HMCN2: variants seen among roughly 807,000 people sequenced by gnomAD.
The protein encoded by HMCN2 is hemicentin-2.
In HMCN2, 325 loss-of-function variants were observed where a neutral mutation model predicts 377.5. The ratio of observed to expected loss-of-function variants is 0.86; its 90% CI spans 0.79 to 0.94. The LOEUF is 0.94. Among genes scored for constraint, HMCN2 ranks in the 40% least tolerant of loss-of-function variants. The pLI, the probability that HMCN2 is intolerant of heterozygous loss-of-function variation, is 0.00. For synonymous variants in HMCN2, 2,007 were observed against 2,046.8 expected (o/e 0.98, Z 0.53); for missense variants, 4,543 against 4,725.3 (o/e 0.96, Z 1.13).
intron 94 of HMCN2, chr9:130,429,893 CTG>C: frequency 1.0e-6 from 1 of 967,304 alleles, no homozygotes; most frequent in Non-Finnish European, 1.5e-6. Flanking sequence ...CACTGGGTGC[CTG>C]CCTGTGCACC....
Position 130,269,707 on chromosome 9 carries a change from T to C in HMCN2, c.259+3570T>C, listed in dbSNP as rs1260440895. 2.7e-5 allele frequency among the ~76,000 whole-genome samples: 4 copies of C among 149,120 alleles called. 1 individual carries two copies. In the South Asian group the frequency reaches 8.6e-4, roughly 32 times the overall value. Reference sequence around the variant, plus strand: ...TATGAATTTCTTATTTTGTAAACTGTCAGTTTCTTTGCAAATTTTTTCATG... The same window carrying C: ...TATGAATTTCTTATTTTGTAAACTGCCAGTTTCTTTGCAAATTTTTTCATG... On this transcript the variant is annotated intron_variant, in intron 1 of 97. Coordinates refer to ENST00000683500, the MANE Select transcript of HMCN2 (RefSeq NM_001291815.2).
intron 2 of HMCN2, 65 bp from the exon 3 acceptor site, chr9:130,285,093 T>C (rs1398021547): frequency 2.2e-6 from 1 of 452,426 alleles, no homozygotes; most frequent in Non-Finnish European, 4.6e-6. Flanking sequence ...GTTTTGGAGA[T>C]GTCCCTGGGT....
rs1321183999 is a variant in HMCN2, at chr9:130,358,407, G to T, written c.5598G>T (p.Leu1866=). 7.7e-7 allele frequency: 1 copy of T among 1,304,354 alleles called. No homozygotes were observed. The highest frequency in any genetic ancestry group is 5.5e-5 in the East Asian group (1 of 18,024). The allele number at this position is 1,304,354 out of a possible 1,614,324, so 80.8% of individuals were successfully genotyped here. Reference sequence around the variant, plus strand: ...CCCTCCAGATTGAGAAGGTGGACCTGAGGGACGAGGGCATCTACACTTGTG... The same window carrying T: ...CCCTCCAGATTGAGAAGGTGGACCTTAGGGACGAGGGCATCTACACTTGTG... ...GGNLQIEKVD[L]RDEGIYTCAA... Residue 1866 remains leucine (L), a synonymous_variant, in exon 36 of 98, where the codon CTG becomes CTT. Coordinates refer to ENST00000683500, the MANE Select transcript of HMCN2 (RefSeq NM_001291815.2).
At chr9:130,429,093 T>C (rs567249515) in intron 93 of HMCN2, 59 of 190,366 alleles carry the variant, frequency 3.1e-4, no homozygotes, top group Admixed American at 4.9e-4. Context: ...CCAGGGCCCT[T>C]GGAGTGCCCG....
At position 130,424,851 on chromosome 9, in the gene HMCN2, T is replaced by C; in HGVS notation, c.13457T>C (p.Leu4486Pro). The change falls in exon 88 of 98, where the codon CTG becomes CCG. Residue 4486 changes from leucine to proline, a missense_variant. Leu to Pro is a moderately conservative substitution (Grantham distance 98). Around this residue, in one of 5 missense-constraint regions of HMCN2, gnomAD observed 1,155 missense variants for 1,157.7 expected, o/e 1.00. Transcript: ENST00000683500. ...WALARESGEA[L>P]NGHSLTGGRF... ...CTGGCCAGAGAGAGTGGGGAAGCCC[T>C]GAATGGCCACTCTCTGACTGGGGGC... The C allele has an allele frequency of 6.7e-7, 1 of 1,490,118 alleles. No homozygotes were observed. The highest frequency in any genetic ancestry group is 9.0e-7 in the Non-Finnish European group (1 of 1,114,598). 92.3% of individuals were successfully genotyped at this position (1,490,118 alleles called of 1,614,324 possible). A position where few individuals can be genotyped will look rare whatever the true frequency, so the allele number is the denominator to read the frequency against.
chr9:130,301,739 C>T (rs782213601), intron 8 of HMCN2, among the ~76,000 whole-genome samples: 9 of 152,262 alleles, frequency 5.9e-5, no homozygotes, highest in Admixed American at 2.0e-4. Context: ...TGCATTGTCT[C>T]ATTCCCGGAG....
At chr9:130,410,705 C>CG (rs1843364187) in intron 85 of HMCN2, 53 bp downstream of exon 85, 1 of 1,486,390 alleles carries the variant, frequency 6.7e-7, no homozygotes, top group Non-Finnish European at 9.2e-7. Flanking sequence ...TCGGGGACAG[C>CG]GGTGGCGTGT....
Position 130,355,869 on chromosome 9 carries a change from G to A in HMCN2, c.5255+15G>A. The A allele has an allele frequency of 1.6e-6, 2 of 1,274,376 alleles. No homozygotes were observed. Among genetic ancestry groups the A allele is most frequent in the Non-Finnish European group, 2.1e-6 (2 of 962,550 alleles). The allele number at this position is 1,274,376 out of a possible 1,614,324, so 78.9% of individuals were successfully genotyped here. ...CCCACTATCCAGTGAGTCTGGGGTG[G>A]TGGAGGCCAGGGCTGGGGGTAGGCA... On this transcript the variant is annotated intron_variant, in intron 33 of 97. Coordinates refer to ENST00000683500, the MANE Select transcript of HMCN2 (RefSeq NM_001291815.2).
chr9:130,371,637 T>C (rs1448330466), intron 46 of HMCN2, among the ~76,000 whole-genome samples: 1 of 152,230 alleles, frequency 6.6e-6, no homozygotes, highest in Non-Finnish European at 1.5e-5. Context: ...TATGCCTCAG[T>C]CACCCATTGG....
Position 130,364,873 on chromosome 9 carries a change from A to G in HMCN2, c.6392A>G (p.Asp2131Gly). 2 of 985,930 alleles carry G rather than the reference A, an allele frequency of 2.0e-6. No homozygotes were observed. The allele number at this position is 985,930 out of a possible 1,614,324, so 61.1% of individuals were successfully genotyped here. A position where few individuals can be genotyped will look rare whatever the true frequency, so the allele number is the denominator to read the frequency against. Residue 2131 changes from aspartate to glycine, a missense_variant, in exon 41 of 98, where the codon GAC becomes GGC. By Grantham distance (94) the Asp-to-Gly change is moderately conservative. Coordinates refer to ENST00000683500, the MANE Select transcript of HMCN2 (RefSeq NM_001291815.2). ...EPRPGVHLSA[D>G]KALLQVDRAD... is the part of the protein sequence containing the mutation. Reference sequence around the variant, plus strand: ...CGGCCTGGAGTCCACCTCTCCGCAGACAAAGCCTTGCTGCAGGTGTGCAGG... The same window carrying G: ...CGGCCTGGAGTCCACCTCTCCGCAGGCAAAGCCTTGCTGCAGGTGTGCAGG...
At position 130,409,881 on chromosome 9, in the gene HMCN2, A is replaced by G. The variant is rs554154918; in HGVS notation, c.12880-690A>G. On this transcript the variant is annotated intron_variant, in intron 84 of 97. Transcript: ENST00000683500. ...CCTTGGGTGTGGCCCCCCAGATACC[A>G]TCTTCTGGGAGTGGACGTGGCCTCA... Among the ~76,000 whole-genome samples, 11 of 152,100 alleles carry G rather than the reference A, an allele frequency of 7.2e-5. No homozygotes were observed. In the East Asian group the frequency reaches 2.1e-3, roughly 30 times the overall value.
chr9:130,402,739 A>G (rs750094255), intron 77 of HMCN2, 50 bp from the exon 78 acceptor site: 2 of 1,181,684 alleles, frequency 1.7e-6, no homozygotes, highest in Non-Finnish European at 2.2e-6. Flanking sequence ...TGCCACCTCC[A>G]TCCCTGGGGA....
chr9:130,328,653 G>A (rs1428096589), intron 22 of HMCN2, among the ~76,000 whole-genome samples: 1 of 152,150 alleles, frequency 6.6e-6, no homozygotes, highest in Non-Finnish European at 1.5e-5. Context: ...TGTGCTGGGA[G>A]GCGGGGGTGG....
In HMCN2 at chr9:130,382,829, CA is replaced by C; in HGVS notation, c.8697del (p.Arg2900GlyfsTer154). 1 of 985,910 alleles carries C rather than the reference CA, an allele frequency of 1.0e-6. No homozygotes were observed. Among genetic ancestry groups the C allele is most frequent in the Non-Finnish European group, 1.2e-6 (1 of 829,942 alleles). 61.1% of individuals were successfully genotyped at this position (985,910 alleles called of 1,614,324 possible). A position where few individuals can be genotyped will look rare whatever the true frequency, so the allele number is the denominator to read the frequency against. ...AATGGGCTGCCTTTCTCCCCGAGCC[CA>C]CGGCTGCAGGTCCTGGAGGACGGGC... ...LQNGLPFSPS[P>X]RLQVLEDGQV... On this transcript the variant is annotated frameshift_variant, in exon 56 of 98. Coordinates refer to ENST00000683500, the MANE Select transcript of HMCN2 (RefSeq NM_001291815.2). LOFTEE classifies it high-confidence loss of function.
chr9:130,332,948 G>GCAGCAAAAACAGCAATGTGGGAGA (rs1838504455), intron 22 of HMCN2, among the ~76,000 whole-genome samples: 3 of 152,176 alleles, frequency 2.0e-5, no homozygotes, highest in African/African-American at 7.2e-5. Context: ...ATAGACAGAG[G>GCAGCAAAAACAGCAATGTGGGAGA]CAGCAAAAAC....
At chr9:130,350,136 C>T (rs939440515) in intron 29 of HMCN2, among the ~76,000 whole-genome samples, 5 of 151,624 alleles carry the variant, frequency 3.3e-5, no homozygotes, top group Admixed American at 2.0e-4. Context: ...TCTTGAACAC[C>T]TGGCTTCAAG....
intron 1 of HMCN2, among the ~76,000 whole-genome samples, chr9:130,276,398 G>C (rs1834695653): frequency 6.6e-6 from 1 of 152,154 alleles, no homozygotes; most frequent in Admixed American, 6.5e-5. Flanking sequence ...GGGTGGGTGG[G>C]GGAGGGTCAG....
At chr9:130,274,626 A>G (rs1164916254) in intron 1 of HMCN2, among the ~76,000 whole-genome samples, 1 of 151,954 alleles carries the variant, frequency 6.6e-6, no homozygotes, top group Non-Finnish European at 1.5e-5. Flanking sequence ...TTCTACTACT[A>G]CTCTCAAGAG....
Position 130,394,478 on chromosome 9 carries a change from C to CATCATTGGG in HMCN2, c.10595_10596insATCATTGGG (p.Pro3532_Gln3533insSerLeuGly). ...CTCCTCTGTGATGCCCAGGGCACCC[C>CATCATTGGG]CCAGCCCAACATCACCTGGCATAAG... On this transcript the variant is annotated inframe_insertion, in exon 69 of 98. Transcript: ENST00000683500. The surrounding 1 kb of genome is among the most constrained non-coding windows in gnomAD (Gnocchi z 5.1). 7.8e-7 allele frequency: 1 copy of CATCATTGGG among 1,289,828 alleles called. No homozygotes were observed. Among genetic ancestry groups the CATCATTGGG allele is most frequent in the Non-Finnish European group, 1.0e-6 (1 of 988,862 alleles). 79.9% of individuals were successfully genotyped at this position (1,289,828 alleles called of 1,614,324 possible).
Sources: gnomAD v4.1 joint callset for allele counts (sites outside exome capture counted in the v4.1 genomes callset) on GRCh38, gnomAD v4.1.1 for gene constraint, gnomAD v4.1.1 regional missense constraint, Gnocchi (gnomAD v3.1) non-coding constraint, MANE v1.5 for transcripts, NCBI Gene and HGNC (gene_info 2026-07-23, HGNC 2026-07-21) for gene names.